The following HDAC4 variants were observed in gnomAD, a reference collection of about 807,000 sequenced individuals.
The protein encoded by HDAC4 is histone deacetylase A.
HDAC4 carries 16 observed loss-of-function variants against 135.1 expected under a neutral mutation model. The ratio of observed to expected loss-of-function variants is 0.12; its 90% confidence interval spans 0.08 to 0.18. The LOEUF (loss-of-function observed/expected upper bound fraction) is 0.18. HDAC4 is among the 10% of genes least tolerant of loss of function. HDAC4 has a pLI of 1.00. For synonymous variants in HDAC4, 685 were observed against 653.4 expected (o/e 1.05, Z -0.74); for missense variants, 1,143 against 1,511.8 (o/e 0.76, Z 4.05).
chr2:239,214,967 C>T (rs565421880), intron 3 of HDAC4, among the ~76,000 whole-genome samples: 1 of 152,296 alleles, frequency 6.6e-6, no homozygotes, highest in South Asian at 2.1e-4. Flanking sequence ...TGCTTTCAAA[C>T]TTGCTGAGTC....
chr2:239,077,040 C>T (rs375382366), intron 22 of HDAC4, among the ~76,000 whole-genome samples: 12 of 152,268 alleles, frequency 7.9e-5, no homozygotes, highest in Admixed American at 3.3e-4. Flanking sequence ...CAATCTCTGC[C>T]GCTGTTTTCT....
chr2:239,126,423 T>C, intron 12 of HDAC4, 33 bp downstream of exon 12: 2 of 1,612,788 alleles, frequency 1.2e-6, no homozygotes, highest in African/African-American at 1.3e-5. Flanking sequence ...ACAGCCGCCC[T>C]GGGGCCTGGG....
intron 2 of HDAC4, among the ~76,000 whole-genome samples, chr2:239,301,155 C>G (rs1215176297): frequency 6.6e-6 from 1 of 152,228 alleles, no homozygotes; most frequent in Non-Finnish European, 1.5e-5. Flanking sequence ...CCTCATGGAG[C>G]CAGCCGGGCA....
intron 3 of HDAC4, among the ~76,000 whole-genome samples, chr2:239,212,255 C>T (rs1332432646): frequency 6.6e-6 from 1 of 152,142 alleles, no homozygotes; most frequent in Non-Finnish European, 1.5e-5. Context: ...AAGGGTCTTT[C>T]TACCCACGGC....
chr2:239,166,236 T>C (rs2043115496), intron 5 of HDAC4, among the ~76,000 whole-genome samples: 2 of 152,192 alleles, frequency 1.3e-5, no homozygotes, highest in African/African-American at 4.8e-5. Flanking sequence ...AAACAGGGTC[T>C]ACCCAGGCTG....
At chr2:239,062,764 C>T (rs111387061) in intron 24 of HDAC4, among the ~76,000 whole-genome samples, 53 of 152,356 alleles carry the variant, frequency 3.5e-4, no homozygotes, top group Non-Finnish European at 6.9e-4. Context: ...TCCAGCCTGT[C>T]GCTGGCCAGC....
At chr2:239,084,016 C>T in intron 20 of HDAC4, 139 bp downstream of exon 20, 2 of 712,514 alleles carry the variant, frequency 2.8e-6, no homozygotes, top group South Asian at 1.5e-5. Context: ...GGCTTTACTT[C>T]TCCGCATCTT....
intron 2 of HDAC4, among the ~76,000 whole-genome samples, chr2:239,337,587 C>A (rs954574957): frequency 6.6e-6 from 1 of 152,190 alleles, no homozygotes; most frequent in Non-Finnish European, 1.5e-5. Flanking sequence ...ATGGCCGCTG[C>A]TGGGTTTGAC....
intron 24 of HDAC4, among the ~76,000 whole-genome samples, chr2:239,058,281 G>A (rs1249986948): frequency 6.6e-6 from 1 of 152,178 alleles, no homozygotes; most frequent in Non-Finnish European, 1.5e-5. Context: ...ATGGAATGCA[G>A]GAAACCCTCA....
At chr2:239,226,670 G>A (rs1048360377) in intron 3 of HDAC4, among the ~76,000 whole-genome samples, 1 of 152,154 alleles carries the variant, frequency 6.6e-6, no homozygotes, top group Non-Finnish European at 1.5e-5. Context: ...TGTAATGGGG[G>A]GGGTGATAAA....
At chr2:239,067,789 GC>G (rs1480877703) in intron 23 of HDAC4, among the ~76,000 whole-genome samples, 1 of 152,212 alleles carries the variant, frequency 6.6e-6, no homozygotes, top group Non-Finnish European at 1.5e-5. Context: ...GGCCGCCTGT[GC>G]CGACAGGAGT....
At chr2:239,235,805 C>A (rs1012132234) in intron 3 of HDAC4, among the ~76,000 whole-genome samples, 13 of 152,112 alleles carry the variant, frequency 8.5e-5, no homozygotes, top group Admixed American at 5.9e-4. Flanking sequence ...TTTGGGAGGC[C>A]GAGGCAGGCA....
At chr2:239,176,999 C>T (rs966944132) in intron 4 of HDAC4, among the ~76,000 whole-genome samples, 4 of 152,154 alleles carry the variant, frequency 2.6e-5, no homozygotes, top group Admixed American at 1.3e-4. Context: ...ATCCGAAACA[C>T]GGAAGCACAC....
intron 1 of HDAC4, among the ~76,000 whole-genome samples, chr2:239,387,218 A>C (rs1399545460): frequency 1.3e-5 from 2 of 152,224 alleles, no homozygotes; most frequent in Non-Finnish European, 2.9e-5. Flanking sequence ...GGGACTGCTC[A>C]CAAGTGGCCT....
rs72990468 is a variant in HDAC4 at position 239,068,726 on chromosome 2, C to A, written c.2751-119G>T. 4.6e-6 allele frequency: 4 copies of A among 863,482 alleles called. No individual in the cohort carries two copies. In the Admixed American group the frequency reaches 5.3e-5, roughly 11 times the overall value. 53.5% of individuals were successfully genotyped at this position (863,482 alleles called of 1,614,324 possible). On this transcript the variant is annotated intron_variant, in intron 22 of 26. Coordinates refer to ENST00000543185, the MANE Select transcript of HDAC4 (RefSeq NM_001378414.1). This position sits in a 1 kb window ranked among gnomAD's most constrained non-coding sequence, Gnocchi z 4.4. ...TGCCCCGCACCCCCTCGGCCACTGG[C>A]GGGCTGAGGGCTCCACACAGCAGGC...
At chr2:239,092,538 C>T (rs989380882) in intron 17 of HDAC4, among the ~76,000 whole-genome samples, 10 of 152,234 alleles carry the variant, frequency 6.6e-5, no homozygotes, top group African/African-American at 2.4e-4. Context: ...GCTCGGTCTA[C>T]CAGGTGCCTG....
intron 7 of HDAC4, among the ~76,000 whole-genome samples, chr2:239,151,528 A>G (rs1349321008): frequency 6.6e-6 from 1 of 152,232 alleles, no homozygotes; most frequent in East Asian, 1.9e-4. Flanking sequence ...AGGAGGGCAG[A>G]GCTAGATGAA....
At chr2:239,163,386 G>A (rs1016271164) in intron 6 of HDAC4, among the ~76,000 whole-genome samples, 12 of 152,172 alleles carry the variant, frequency 7.9e-5, no homozygotes, top group East Asian at 1.9e-4. Context: ...AGCACTGCTC[G>A]GTCCCTCTGC....
At chr2:239,367,555 C>G (rs1694302705) in intron 1 of HDAC4, among the ~76,000 whole-genome samples, 1 of 152,196 alleles carries the variant, frequency 6.6e-6, no homozygotes, top group South Asian at 2.1e-4. Context: ...TTCTGAGCAC[C>G]AACATGAAAA....
Sources: allele counts gnomAD v4.1 joint callset (sites outside exome capture counted in the v4.1 genomes callset), GRCh38; gene constraint gnomAD v4.1.1; non-coding constraint Gnocchi (gnomAD v3.1); transcripts MANE v1.5; gene names NCBI Gene and HGNC (gene_info 2026-07-23, HGNC 2026-07-21).